Variants in MEIOSIN observed in about 807,000 individuals in gnomAD.
The protein encoded by MEIOSIN is meiosis initiator protein.
A neutral mutation model predicts 23.4 loss-of-function variants in MEIOSIN; 18 were observed. The observed-to-expected ratio is 0.77, with a 90% confidence interval of 0.53 to 1.14. MEIOSIN has a LOEUF of 1.14. Among genes scored for constraint, MEIOSIN ranks in the 50% most tolerant of loss-of-function variants. MEIOSIN has a pLI of 0.00. For missense variants in MEIOSIN, 428 were observed against 242.9 expected, an observed-to-expected ratio of 1.76 and a Z score of -5.07; for synonymous variants, 187 against 100.6, an observed-to-expected ratio of 1.86 and a Z score of -5.14.
intron 10 of MEIOSIN, 139 bp downstream of exon 10, chr19:45,759,172 C>T: frequency 1.6e-6 from 1 of 636,984 alleles, no homozygotes; most frequent in Non-Finnish European, 2.8e-6. Flanking sequence ...AGTGGGGGAG[C>T]AGCCACAGGC....
At chr19:45,737,467 G>A (rs1211466606) in intron 2 of MEIOSIN, among the ~76,000 whole-genome samples, 1 of 151,268 alleles carries the variant, frequency 6.6e-6, no homozygotes, top group Non-Finnish European at 1.5e-5. Flanking sequence ...GAGCCACCAC[G>A]CCTGGCTCTT....
rs116743600 is a variant in MEIOSIN, at chr19:45,757,432, G to A, written c.1012+155G>A. Among the ~76,000 whole-genome samples, 154 of 152,322 alleles carry A rather than the reference G, an allele frequency of 1.0e-3. 1 individual carries two copies. Among genetic ancestry groups the A allele is most frequent in the African/African-American group, 3.5e-3 (144 of 41,580 alleles). Reference sequence around the variant, plus strand: ...CACACAGTGCACCTGCCAGCTCTCCGCCACCGCTGCCACGGAGGCTTGACA... The same window carrying A: ...CACACAGTGCACCTGCCAGCTCTCCACCACCGCTGCCACGGAGGCTTGACA... On this transcript the variant is annotated intron_variant, in intron 9 of 14. Coordinates refer to ENST00000457052, the MANE Select transcript of MEIOSIN (RefSeq NM_001310124.2).
At chr19:45,751,363 C>T (rs1282267696) in intron 5 of MEIOSIN, among the ~76,000 whole-genome samples, 1 of 150,710 alleles carries the variant, frequency 6.6e-6, no homozygotes, top group South Asian at 2.1e-4. Flanking sequence ...GGCATAAAAT[C>T]CCTCAGTAAT....
chr19:45,757,196 G>C lies in MEIOSIN; in HGVS notation c.931G>C (p.Asp311His), dbSNP rs1259219984. ...TTGCAGGCAGAAGCTGGTGTTCTAT[G>C]ATTCCAGCGAGGATGTGGACAAAGG... is the stretch of plus-strand genomic sequence containing the variant. ...PHPRQKLVFY[D>H]SSEDVDKGSL... The change falls in exon 9 of 15, where the codon GAT becomes CAT. Residue 311 changes from aspartate to histidine, a missense_variant. Asp to His is a moderately conservative substitution (Grantham distance 81, BLOSUM62 -1). Transcript: ENST00000457052. The C allele has an allele frequency of 8.5e-6, 6 of 702,914 alleles. No homozygotes were observed. In the East Asian group the frequency reaches 1.3e-4, roughly 16 times the overall value. The allele number at this position is 702,914 out of a possible 1,614,324, so 43.5% of individuals were successfully genotyped here. A position where few individuals can be genotyped will look rare whatever the true frequency, so the allele number is the denominator to read the frequency against.
chr19:45,755,269 T>C (rs1968802306), intron 7 of MEIOSIN, among the ~76,000 whole-genome samples: 1 of 150,346 alleles, frequency 6.7e-6, no homozygotes, highest in African/African-American at 2.5e-5. Flanking sequence ...CCTGCCTCAG[T>C]CTCACGAGTA....
intron 4 of MEIOSIN, among the ~76,000 whole-genome samples, chr19:45,745,603 C>G (rs1968579204): frequency 6.6e-6 from 1 of 152,232 alleles, no homozygotes; most frequent in African/African-American, 2.4e-5. Flanking sequence ...TTTGAGCCCT[C>G]TAGCTTCACA....
chr19:45,736,084 G>T (rs1443676158), intron 2 of MEIOSIN, among the ~76,000 whole-genome samples: 1 of 152,114 alleles, frequency 6.6e-6, no homozygotes, highest in Non-Finnish European at 1.5e-5. Context: ...TGTTGCCCAC[G>T]TTAGAGTGCA....
At chr19:45,744,100 C>T (rs1316313542) in intron 3 of MEIOSIN, among the ~76,000 whole-genome samples, 6 of 150,974 alleles carry the variant, frequency 4.0e-5, no homozygotes, top group Non-Finnish European at 8.8e-5. Flanking sequence ...AATCTCAGCT[C>T]ACTGCAGCTT....
intron 14 of MEIOSIN, 85 bp from the exon 15 acceptor site, chr19:45,763,886 C>T (rs1174880868): frequency 2.5e-6 from 1 of 398,270 alleles, no homozygotes; most frequent in Non-Finnish European, 4.4e-6. Flanking sequence ...GCCCAGGCCC[C>T]TGCGGGGACA....
rs375815233 is a variant in MEIOSIN at position 45,753,761 on chromosome 19, C to T, written c.529C>T (p.Arg177Trp). 1.7e-4 allele frequency: 118 copies of T among 702,678 alleles called. No individual in the cohort carries two copies. The highest frequency in any genetic ancestry group is 2.6e-4 in the Non-Finnish European group (99 of 384,900). The allele number at this position is 702,678 out of a possible 1,614,324, so 43.5% of individuals were successfully genotyped here. The part of the protein sequence containing the change: ...SCLQGACQKP[R>W]KKKLTQASES... ...TCTCCAGGGGGCGTGCCAGAAGCCT[C>T]GGAAGAAGAAGCTGACCCAGGCATC... is the stretch of plus-strand genomic sequence containing the variant. The change falls in exon 6 of 15, where the codon CGG becomes TGG. Residue 177 changes from arginine (R) to tryptophan (W), a missense_variant. Arg to Trp is a moderately radical substitution (Grantham distance 101). Coordinates refer to ENST00000457052, the MANE Select transcript of MEIOSIN (RefSeq NM_001310124.2).
intron 2 of MEIOSIN, among the ~76,000 whole-genome samples, chr19:45,736,539 G>A (rs1367106587): frequency 6.7e-6 from 1 of 150,114 alleles, no homozygotes; most frequent in Non-Finnish European, 1.5e-5. Flanking sequence ...ATTTTTTTGT[G>A]TGTATTTTTA....
chr19:45,739,620 T>G lies in MEIOSIN; in HGVS notation c.72-6T>G. ...CTGAACCAATCACTGTGACTATTCT[T>G]GGCAGGACCTTGGTTTTGTGCTCCC... On this transcript the variant is annotated splice_polypyrimidine_tract_variant and splice_region_variant and intron_variant, in intron 2 of 14. Coordinates refer to ENST00000457052, the MANE Select transcript of MEIOSIN (RefSeq NM_001310124.2). 1 of 703,038 alleles carries G rather than the reference T, an allele frequency of 1.4e-6. No individual in the cohort carries two copies. 43.5% of individuals were successfully genotyped at this position (703,038 alleles called of 1,614,324 possible). A position where few individuals can be genotyped will look rare whatever the true frequency, so the allele number is the denominator to read the frequency against.
At chr19:45,759,084 T>C in intron 10 of MEIOSIN, 51 bp downstream of exon 10, 1 of 701,724 alleles carries the variant, frequency 1.4e-6, no homozygotes, top group South Asian at 1.5e-5. Context: ...AAACATACGG[T>C]GCCCAGGCCT....
intron 11 of MEIOSIN, 120 bp downstream of exon 11, chr19:45,759,610 C>T (rs1968900091): frequency 1.6e-6 from 1 of 644,470 alleles, no homozygotes; most frequent in South Asian, 1.7e-5. Flanking sequence ...ACCCATCTGT[C>T]CTTCCACTCA....
In MEIOSIN at chr19:45,754,615, C is replaced by T. The variant is rs200449440; in HGVS notation, c.693C>T (p.Cys231=). ...TTTPPRCPDS[C]GHPRPASSSP... ...CCCCTCCAAGGTGCCCTGACTCCTG[C>T]GGTCACCCGAGGCCTGCATCATCCT... The change falls in exon 7 of 15, where the codon TGC becomes TGT. Residue 231 remains cysteine (C), a synonymous_variant. Coordinates refer to ENST00000457052, the MANE Select transcript of MEIOSIN (RefSeq NM_001310124.2). 6 of 702,978 alleles carry T rather than the reference C, an allele frequency of 8.5e-6. No individual in the cohort carries two copies. Among genetic ancestry groups the T allele is most frequent in the Non-Finnish European group, 1.6e-5 (6 of 385,042 alleles). The allele number at this position is 702,978 out of a possible 1,614,324, so 43.5% of individuals were successfully genotyped here.
intron 2 of MEIOSIN, 103 bp downstream of exon 2, chr19:45,735,550 A>G: frequency 1.6e-6 from 1 of 622,052 alleles, no homozygotes; most frequent in Non-Finnish European, 2.9e-6. Flanking sequence ...CTCTTTGCCA[A>G]ACATTTTGTT....
intron 2 of MEIOSIN, 106 bp from the exon 3 acceptor site, chr19:45,739,520 T>C (rs1457076275): frequency 1.5e-6 from 1 of 674,460 alleles, no homozygotes; most frequent in Non-Finnish European, 2.7e-6. Flanking sequence ...GCCAACTCCA[T>C]ATACCCAGAA....
Position 45,763,439 on chromosome 19 carries a change from C to T in MEIOSIN, c.1769+12C>T, listed in dbSNP as rs1401055568. 8 of 398,562 alleles carry T rather than the reference C, an allele frequency of 2.0e-5. No homozygotes were observed. The highest frequency in any genetic ancestry group is 4.4e-5 in the Admixed American group (1 of 22,720). 24.7% of individuals were successfully genotyped at this position (398,562 alleles called of 1,614,324 possible). ...CGGAGGCCATACTGGTGAGAGGCTC[C>T]GGCCCCGAGGTGTGGGTGGGGGGTG... On this transcript the variant is annotated intron_variant, in intron 14 of 14. Coordinates refer to ENST00000457052, the MANE Select transcript of MEIOSIN (RefSeq NM_001310124.2).
chr19:45,734,698 G>C (rs1359209760), intron 1 of MEIOSIN, among the ~76,000 whole-genome samples: 1 of 148,260 alleles, frequency 6.7e-6, no homozygotes, highest in African/African-American at 2.5e-5. Context: ...TAGAGGTGGA[G>C]TTTTGTCATA....
Sources: allele counts gnomAD v4.1 joint callset (sites outside exome capture counted in the v4.1 genomes callset), GRCh38; gene constraint gnomAD v4.1.1; transcripts MANE v1.5; gene names NCBI Gene and HGNC (gene_info 2026-07-23, HGNC 2026-07-21).